CERT1: variants seen among roughly 807,000 people sequenced by gnomAD.
CERT1 encodes ceramide transporter 1.
Under a neutral mutation model 87.9 loss-of-function variants are expected in CERT1, and 31 were observed. The ratio of observed to expected loss-of-function variants is 0.35; its 90% CI spans 0.27 to 0.48. CERT1 has a LOEUF of 0.48. Ranked by LOEUF, CERT1 falls within the 20% of genes least tolerant of loss-of-function variation. The probability of loss-of-function intolerance (pLI) is 0.99; values close to 1 mark genes in which losing one functional copy is unlikely to be tolerated. For synonymous variants in CERT1, 289 were observed against 250.9 expected, an observed-to-expected ratio of 1.15 and a Z score of -1.44; for missense variants, 487 against 758.0, an observed-to-expected ratio of 0.64 and a Z score of 4.20.
intron 11 of CERT1, among the ~76,000 whole-genome samples, chr5:75,394,580 T>C (rs1347149158): frequency 1.3e-5 from 2 of 152,096 alleles, no homozygotes; most frequent in African/African-American, 4.8e-5. Flanking sequence ...TAGCTGGGCA[T>C]GATGGCATGT....
At chr5:75,406,015 AAG>A (rs2112105763) in intron 8 of CERT1, among the ~76,000 whole-genome samples, 1 of 152,276 alleles carries the variant, frequency 6.6e-6, no homozygotes, top group South Asian at 2.1e-4. Context: ...ATTATACAAA[AAG>A]TGTCCAAGTG....
Position 75,505,983 on chromosome 5 carries a change from G to A in CERT1, c.230C>T (p.Thr77Ile). 1 of 1,612,428 alleles carries A rather than the reference G, an allele frequency of 6.2e-7. No individual in the cohort carries two copies. The highest frequency in any genetic ancestry group is 8.5e-7 in the Non-Finnish European group (1 of 1,178,866). Reference protein sequence around the residue: ...GSICLSKAVITPHDFDECRFD... With the variant: ...GSICLSKAVIIPHDFDECRFD... Reference sequence around the variant, plus strand: ...GAATGAAGAAGAAAAGGAACTTACTGTGATGACAGCCTTGCTAAGACAGAT... The same window carrying A: ...GAATGAAGAAGAAAAGGAACTTACTATGATGACAGCCTTGCTAAGACAGAT... The change falls in exon 2 of 17, where the codon ACA becomes ATA. Residue 77 changes from threonine to isoleucine, a missense_variant and splice_region_variant. This residue lies in a region of CERT1 where 173 missense variants were observed against 302.2 expected (regional missense o/e 0.57). Coordinates refer to ENST00000643780, the MANE Select transcript of CERT1 (RefSeq NM_001379029.1).
chr5:75,432,056 CCT>C (rs1491144967), intron 3 of CERT1, among the ~76,000 whole-genome samples: 6 of 150,726 alleles, frequency 4.0e-5, no homozygotes, highest in South Asian at 2.1e-4. Context: ...ATTCCCCCCC[CCT>C]TTTTTTTTTT....
chr5:75,399,338 G>C lies in CERT1; in HGVS notation c.1160C>G (p.Ser387Cys). Residue 387 changes from serine to cysteine, a missense_variant, in exon 11 of 17, where the codon TCT becomes TGT. Transcript: ENST00000643780. ...SMSSIDLVSA[S>C]DDVHRFSSQV... ...GGAGCTGAATCTGTGAACATCATCA[G>C]AGGCACTGACTAGATCAATGGAAGA... The C allele has an allele frequency of 6.2e-7, 1 of 1,613,518 alleles. No individual in the cohort carries two copies. The highest frequency in any genetic ancestry group is 2.2e-5 in the East Asian group (1 of 44,858).
At chr5:75,508,321 G>T (rs1767754482) in intron 1 of CERT1, among the ~76,000 whole-genome samples, 1 of 152,186 alleles carries the variant, frequency 6.6e-6, no homozygotes, top group African/African-American at 2.4e-5. Flanking sequence ...CCTGGACATA[G>T]TATTTTCTGA....
Position 75,384,692 on chromosome 5 carries a change from C to T in CERT1, c.1438G>A (p.Val480Met), listed in dbSNP as rs1452089855. 1 of 1,601,582 alleles carries T rather than the reference C, an allele frequency of 6.2e-7. No individual in the cohort carries two copies. Among genetic ancestry groups the T allele is most frequent in the East Asian group, 2.2e-5 (1 of 44,704 alleles). ...GCATTATCAGCTAATGTTTCCACCA[C>T]ATGAAAGTTTTCTATAGTTGCTGAA... The part of the protein sequence containing the change: ...DWETTIENFH[V>M]VETLADNAII... Residue 480 changes from valine to methionine, a missense_variant, in exon 14 of 17, where the codon GTG becomes ATG. Val to Met is a conservative substitution (Grantham distance 21). Coordinates refer to ENST00000643780, the MANE Select transcript of CERT1 (RefSeq NM_001379029.1).
intron 2 of CERT1, among the ~76,000 whole-genome samples, chr5:75,476,988 C>T (rs1055439894): frequency 1.3e-5 from 2 of 152,152 alleles, no homozygotes; most frequent in African/African-American, 4.8e-5. Flanking sequence ...TTGAGCTGTT[C>T]CTTTAACTAC....
At chr5:75,431,224 C>A (rs900736990) in intron 3 of CERT1, among the ~76,000 whole-genome samples, 2 of 152,122 alleles carry the variant, frequency 1.3e-5, no homozygotes, top group Non-Finnish European at 2.9e-5. Flanking sequence ...ATCCTCCACC[C>A]TCAAGTAGGG....
At chr5:75,482,208 C>G (rs534200954) in intron 2 of CERT1, among the ~76,000 whole-genome samples, 1 of 152,182 alleles carries the variant, frequency 6.6e-6, no homozygotes, top group East Asian at 1.9e-4. Flanking sequence ...CCAGGCCTTG[C>G]AGGATTCACC....
chr5:75,500,862 A>G (rs1767330453), intron 2 of CERT1, among the ~76,000 whole-genome samples: 1 of 152,206 alleles, frequency 6.6e-6, no homozygotes, highest in African/African-American at 2.4e-5. Flanking sequence ...TCATTTTACA[A>G]TTCCACATTC....
At chr5:75,377,195 G>C (rs547469923), downstream of CERT1, 1 of 152,330 alleles carries the variant, frequency 6.6e-6, no homozygotes, top group East Asian at 1.9e-4. Context: ...ACTACACTGA[G>C]AGAGTATTTT....
intron 2 of CERT1, among the ~76,000 whole-genome samples, chr5:75,477,886 T>C (rs1220041760): frequency 6.6e-6 from 1 of 152,104 alleles, no homozygotes; most frequent in Non-Finnish European, 1.5e-5. Context: ...AATACTTTTG[T>C]TAAAGGAAAA....
At chr5:75,396,416 A>T (rs1457008543) in intron 11 of CERT1, among the ~76,000 whole-genome samples, 1 of 152,186 alleles carries the variant, frequency 6.6e-6, no homozygotes, top group Non-Finnish European at 1.5e-5. Context: ...GGAGTAACTG[A>T]TGTATATTTG....
intron 2 of CERT1, among the ~76,000 whole-genome samples, chr5:75,491,018 T>C (rs924020053): frequency 6.6e-6 from 1 of 152,154 alleles, no homozygotes; most frequent in Admixed American, 6.5e-5. Context: ...TTGGAGTGTA[T>C]ACTAATAGTT....
chr5:75,411,611 C>T (rs898510819), intron 7 of CERT1, among the ~76,000 whole-genome samples: 1 of 152,124 alleles, frequency 6.6e-6, no homozygotes, highest in African/African-American at 2.4e-5. Context: ...TGCACCCGGC[C>T]ACAACCTACG....
chr5:75,448,896 T>G (rs73120807), intron 3 of CERT1, among the ~76,000 whole-genome samples: 10,754 of 152,202 alleles, frequency 0.071, 873 homozygotes, highest in African/African-American at 0.19. Context: ...CTAAATAGTT[T>G]ACAAATTACA....
In CERT1 at chr5:75,486,714, C is replaced by G. The variant is rs571567437; in HGVS notation, c.231+19268G>C. On this transcript the variant is annotated intron_variant, in intron 2 of 16. Coordinates refer to ENST00000643780, the MANE Select transcript of CERT1 (RefSeq NM_001379029.1). ...GCCAATAAAAACCTGAAAAAGAAAT[C>G]AAGTAATTCCATTTATAATAGCTAG... is the stretch of plus-strand genomic sequence containing the variant. 3.3e-5 allele frequency among the ~76,000 whole-genome samples: 5 copies of G among 151,826 alleles called. No homozygotes were observed. In the East Asian group the frequency reaches 7.7e-4, roughly 23 times the overall value.
At chr5:75,415,139 T>C (rs1225205854) in intron 7 of CERT1, among the ~76,000 whole-genome samples, 1 of 152,166 alleles carries the variant, frequency 6.6e-6, no homozygotes, top group African/African-American at 2.4e-5. Flanking sequence ...ATTATGTATA[T>C]ATATATGAAC....
chr5:75,457,907 C>CGT (rs1327959721), intron 3 of CERT1, among the ~76,000 whole-genome samples: 2 of 143,616 alleles, frequency 1.4e-5, no homozygotes, highest in African/African-American at 5.2e-5. Flanking sequence ...GGTATAGGCG[C>CGT]GCGTGTGTGT....
Sources: allele counts gnomAD v4.1 joint callset (sites outside exome capture counted in the v4.1 genomes callset), GRCh38; gene constraint gnomAD v4.1.1; regional missense constraint gnomAD v4.1.1; transcripts MANE v1.5; gene names NCBI Gene and HGNC (gene_info 2026-07-23, HGNC 2026-07-21).